The following COL25A1 variants were observed in gnomAD, a reference collection of about 807,000 sequenced individuals.
COL25A1 encodes the protein collagen alpha-1(XXV) chain.
In COL25A1, 103 loss-of-function variants were observed where a neutral mutation model predicts 128.4. The observed-to-expected ratio is 0.80, with a 90% CI of 0.68 to 0.94. The LOEUF (loss-of-function observed/expected upper bound fraction) is 0.94, where lower values mean the gene tolerates loss of function less well. Ranked by LOEUF, COL25A1 falls within the 40% of genes least tolerant of loss-of-function variation. COL25A1 has a pLI of 0.00. For synonymous variants in COL25A1, 279 were observed against 277.2 expected, an observed-to-expected ratio of 1.01 and a Z score of -0.06; for missense variants, 745 against 840.0, an observed-to-expected ratio of 0.89 and a Z score of 1.40.
At chr4:109,034,837 C>A (rs542993024) in intron 5 of COL25A1, among the ~76,000 whole-genome samples, 349 of 152,146 alleles carry the variant, frequency 2.3e-3, no homozygotes, top group African/African-American at 7.8e-3. Context: ...CTTATAAATG[C>A]CAAATATTAA....
chr4:108,909,665 G>T (rs908365336), intron 13 of COL25A1, among the ~76,000 whole-genome samples: 1 of 152,240 alleles, frequency 6.6e-6, no homozygotes, highest in Non-Finnish European at 1.5e-5. Context: ...GAAGTTTGTG[G>T]GGAGATCACG....
At chr4:108,994,826 C>T (rs1261726888) in intron 6 of COL25A1, among the ~76,000 whole-genome samples, 1 of 152,188 alleles carries the variant, frequency 6.6e-6, no homozygotes, top group Non-Finnish European at 1.5e-5. Context: ...CCCAGGCAAA[C>T]AGGGTCTGGA....
intron 13 of COL25A1, among the ~76,000 whole-genome samples, chr4:108,909,545 A>G (rs1743961722): frequency 6.6e-6 from 1 of 152,250 alleles, no homozygotes; most frequent in African/African-American, 2.4e-5. Context: ...TGTTTCAGAA[A>G]TAAGTCTGCT....
intron 3 of COL25A1, among the ~76,000 whole-genome samples, chr4:109,242,461 G>C (rs945113442): frequency 1.8e-4 from 27 of 152,078 alleles, no homozygotes; most frequent in African/African-American, 5.8e-4. Context: ...ATTATGAATG[G>C]TTGTTTTATG....
chr4:109,132,912 A>C (rs1324146279), intron 3 of COL25A1, among the ~76,000 whole-genome samples: 3 of 152,134 alleles, frequency 2.0e-5, no homozygotes, highest in Non-Finnish European at 4.4e-5. Flanking sequence ...TCACAGTGAT[A>C]TAATGTGGCA....
At chr4:109,194,622 A>T (rs1279041019) in intron 3 of COL25A1, among the ~76,000 whole-genome samples, 1 of 152,104 alleles carries the variant, frequency 6.6e-6, no homozygotes, top group Non-Finnish European at 1.5e-5. Flanking sequence ...TAACTTTGTA[A>T]ACTGCTTCTT....
intron 3 of COL25A1, among the ~76,000 whole-genome samples, chr4:109,128,959 A>G (rs28377347): frequency 0.48 from 73,167 of 151,878 alleles, 20,413 homozygotes; most frequent in African/African-American, 0.78. Flanking sequence ...TCTGAACTGA[A>G]GAGATTTTAA....
At chr4:108,942,100 T>A (rs1748179000) in intron 8 of COL25A1, 2 of 1,047,402 alleles carry the variant, frequency 1.9e-6, no homozygotes, top group Non-Finnish European at 2.8e-6. Context: ...TAACTTGATA[T>A]ATACCATGAG....
At chr4:108,872,753 CAT>C (rs57580815) in intron 19 of COL25A1, among the ~76,000 whole-genome samples, 9,411 of 152,022 alleles carry the variant, frequency 0.062, 375 homozygotes, top group Non-Finnish European at 0.078. Flanking sequence ...TATACACACA[CAT>C]ATATCTCTCA....
chr4:109,199,563 C>A (rs1776391308), intron 3 of COL25A1, among the ~76,000 whole-genome samples: 1 of 151,050 alleles, frequency 6.6e-6, no homozygotes, highest in African/African-American at 2.4e-5. Context: ...AAAAAAAAAA[C>A]TAATGCCTTT....
rs377527546 is a variant in COL25A1, at chr4:108,841,741, C to G, written c.1630-20G>C. The G allele has an allele frequency of 5.6e-6, 9 of 1,598,358 alleles. No individual in the cohort carries two copies. The highest frequency in any genetic ancestry group is 2.7e-5 in the African/African-American group (2 of 74,594). ...AGGTCCCTGAAAATGGAAAACAGAGCTTTTAATTAAGAATTGATTCCCTGT... is the reference window on the plus strand; with the variant it reads ...AGGTCCCTGAAAATGGAAAACAGAGGTTTTAATTAAGAATTGATTCCCTGT... On this transcript the variant is annotated intron_variant, in intron 30 of 37. Coordinates refer to ENST00000399132, the MANE Select transcript of COL25A1 (RefSeq NM_198721.4).
chr4:108,921,462 A>T (rs1051832860), intron 11 of COL25A1, among the ~76,000 whole-genome samples: 15 of 152,284 alleles, frequency 9.9e-5, no homozygotes, highest in African/African-American at 3.4e-4. Flanking sequence ...TATTTTTAGT[A>T]CGTTTTAGCA....
At chr4:109,002,180 T>C (rs1028496285) in intron 6 of COL25A1, among the ~76,000 whole-genome samples, 1 of 152,180 alleles carries the variant, frequency 6.6e-6, no homozygotes, top group African/African-American at 2.4e-5. Context: ...ATAGAACTAC[T>C]ACCATAGGAC....
intron 5 of COL25A1, among the ~76,000 whole-genome samples, chr4:109,020,052 C>T (rs1427084479): frequency 6.6e-6 from 1 of 151,594 alleles, no homozygotes; most frequent in Admixed American, 6.6e-5. Context: ...GATAAAGTAT[C>T]AACTAATTTT....
intron 8 of COL25A1, among the ~76,000 whole-genome samples, chr4:108,967,752 A>G (rs1578923136): frequency 6.6e-6 from 1 of 152,186 alleles, no homozygotes; most frequent in Non-Finnish European, 1.5e-5. Context: ...AGACTAAGCT[A>G]TAGGCAATTA....
intron 26 of COL25A1, 56 bp downstream of exon 26, chr4:108,852,180 A>G: frequency 7.6e-7 from 1 of 1,322,746 alleles, no homozygotes; most frequent in East Asian, 2.4e-5. Context: ...CATATACTTA[A>G]TACGGTATTC....
chr4:108,834,575 C>T (rs1004130086), intron 31 of COL25A1, among the ~76,000 whole-genome samples: 29 of 151,810 alleles, frequency 1.9e-4, no homozygotes, highest in Middle Eastern at 3.4e-3. Context: ...ATGACAAACA[C>T]CCCACAGATG....
At chr4:108,995,161 A>G (rs13137233) in intron 6 of COL25A1, among the ~76,000 whole-genome samples, 118,515 of 152,040 alleles carry the variant, frequency 0.78, 47,585 homozygotes, top group East Asian at 0.93. Context: ...TGGTAATAAC[A>G]AACTTCTCCG....
intron 6 of COL25A1, among the ~76,000 whole-genome samples, chr4:108,983,574 T>C (rs1290899426): frequency 6.6e-6 from 1 of 152,230 alleles, no homozygotes; most frequent in African/African-American, 2.4e-5. Context: ...TCTCACTGAC[T>C]TCAAGAATGA....
Sources: allele counts gnomAD v4.1 joint callset (sites outside exome capture counted in the v4.1 genomes callset), GRCh38; gene constraint gnomAD v4.1.1; transcripts MANE v1.5; gene names NCBI Gene and HGNC (gene_info 2026-07-23, HGNC 2026-07-21).